PCCA: variants seen among roughly 807,000 people sequenced by gnomAD.
The protein encoded by PCCA is propionyl-CoA carboxylase subunit alpha.
Under a neutral mutation model 101.3 loss-of-function variants are expected in PCCA, and 74 were observed. The observed-to-expected ratio is 0.73, with a 90% CI of 0.61 to 0.89. The LOEUF (loss-of-function observed/expected upper bound fraction) is 0.89. Among genes scored for constraint, PCCA ranks in the 40% least tolerant of loss-of-function variants. The pLI is 0.00. For synonymous variants in PCCA, 294 were observed against 313.6 expected, an observed-to-expected ratio of 0.94 and a Z score of 0.66; for missense variants, 891 against 907.0, an observed-to-expected ratio of 0.98 and a Z score of 0.23.
intron 18 of PCCA, among the ~76,000 whole-genome samples, chr13:100,348,777 T>TTCCTTCCTTCC (rs2072751516): frequency 1.2e-5 from 1 of 85,770 alleles, no homozygotes; most frequent in Non-Finnish European, 2.5e-5. Context: ...TCTTTCTTTC[T>TTCCTTCCTTCC]TTCTTTCTTT....
rs774449821 is a variant in PCCA at position 100,273,198 on chromosome 13, T to A, written c.917T>A (p.Ile306Asn). 6.8e-6 allele frequency: 11 copies of A among 1,606,946 alleles called. No individual in the cohort carries two copies. The highest frequency in any genetic ancestry group is 9.4e-6 in the Non-Finnish European group (11 of 1,173,872). Residue 306 changes from isoleucine (I) to asparagine (N), a missense_variant and splice_region_variant, in exon 12 of 24, where the codon ATT becomes AAT. By Grantham distance (149) the Ile-to-Asn change is moderately radical. Coordinates refer to ENST00000376285, the MANE Select transcript of PCCA (RefSeq NM_000282.4). The part of the protein sequence containing the change: ...NQKVVEEAPS[I>N]FLDAETRRAM... The stretch of plus-strand genomic sequence containing the variant: ...CAAACATTTTTTTGTATATGTAGCA[T>A]TTTTTTGGATGCGGAGACTCGAAGA...
At chr13:100,345,844 C>T (rs1033567649) in intron 18 of PCCA, among the ~76,000 whole-genome samples, 1 of 152,068 alleles carries the variant, frequency 6.6e-6, no homozygotes, top group Non-Finnish European at 1.5e-5. Context: ...TTCATAAACC[C>T]TAGGGTCTTT....
At chr13:100,125,405 G>A (rs1473162788) in intron 4 of PCCA, among the ~76,000 whole-genome samples, 1 of 152,164 alleles carries the variant, frequency 6.6e-6, no homozygotes, top group Non-Finnish European at 1.5e-5. Flanking sequence ...AAGTCTTACG[G>A]CAAAGCCTCT....
intron 20 of PCCA, among the ~76,000 whole-genome samples, chr13:100,445,261 C>T (rs1156483447): frequency 1.3e-5 from 2 of 152,214 alleles, no homozygotes; most frequent in African/African-American, 4.8e-5. Flanking sequence ...GCCCCACCTC[C>T]AACACTGGGG....
rs1374759069 is a variant in PCCA, at chr13:100,394,186, G to A, written c.1746+25612G>A. Among the ~76,000 whole-genome samples the A allele has an allele frequency of 6.6e-6, 1 of 152,144 alleles. No homozygotes were observed. Among genetic ancestry groups the A allele is most frequent in the African/African-American group, 2.4e-5 (1 of 41,430 alleles). ...ATTTAATTAGTCCTTCGTAGAACTG[G>A]ATGTCCGTTTGTTGCAACTGAATTC... On this transcript the variant is annotated intron_variant, in intron 19 of 23. Transcript: ENST00000376285. The surrounding 1 kb of genome is among the most constrained non-coding windows in gnomAD (Gnocchi z 4.3).
chr13:100,130,995 T>C (rs933316905), intron 4 of PCCA, among the ~76,000 whole-genome samples: 1 of 152,226 alleles, frequency 6.6e-6, no homozygotes. Context: ...CATAAAAGTT[T>C]ACCATTTTAA....
chr13:100,400,384 C>T (rs2077267448), intron 19 of PCCA, among the ~76,000 whole-genome samples: 1 of 152,118 alleles, frequency 6.6e-6, no homozygotes, highest in African/African-American at 2.4e-5. Flanking sequence ...AGAACTACAT[C>T]ACCTGACAAG....
intron 20 of PCCA, among the ~76,000 whole-genome samples, chr13:100,436,005 T>C (rs930691547): frequency 6.6e-6 from 1 of 151,596 alleles, no homozygotes; most frequent in Non-Finnish European, 1.5e-5. Context: ...ATCGAGCCAT[T>C]GCACTCCAGC....
chr13:100,257,668 G>T lies in PCCA; in HGVS notation c.711G>T (p.Glu237Asp). 3 of 1,610,814 alleles carry T rather than the reference G, an allele frequency of 1.9e-6. No homozygotes were observed. The highest frequency in any genetic ancestry group is 2.5e-6 in the Non-Finnish European group (3 of 1,177,222). ...TGCGCATTGCTTGGGATGATGAAGA[G>T]ACCAGGTGAGAGGCTGTCCAAAATA... ...KGMRIAWDDEETRDGFRLSSQ... is the reference protein window; with the variant it reads ...KGMRIAWDDEDTRDGFRLSSQ... Residue 237 changes from glutamate (E) to aspartate (D), a missense_variant, in exon 9 of 24, where the codon GAG (glutamate) becomes GAT (aspartate). Physicochemically the swap from Glu to Asp is conservative, Grantham distance 45 (BLOSUM62 2). Coordinates refer to ENST00000376285, the MANE Select transcript of PCCA (RefSeq NM_000282.4).
At chr13:100,401,011 T>A (rs2077330580) in intron 19 of PCCA, among the ~76,000 whole-genome samples, 1 of 152,178 alleles carries the variant, frequency 6.6e-6, no homozygotes, top group Non-Finnish European at 1.5e-5. Context: ...TCTTTAGGAC[T>A]TTTTAGAATA....
intron 4 of PCCA, among the ~76,000 whole-genome samples, chr13:100,146,984 C>A: frequency 6.9e-6 from 1 of 145,472 alleles, no homozygotes; most frequent in African/African-American, 2.6e-5. Context: ...TACTGGGTAG[C>A]AGTTAAAAAT....
chr13:100,421,566 GACA>G (rs1157098285), intron 19 of PCCA, among the ~76,000 whole-genome samples: 2 of 151,966 alleles, frequency 1.3e-5, no homozygotes, highest in Non-Finnish European at 2.9e-5. Flanking sequence ...AAAATTGGGG[GACA>G]ACATTTCCTT....
At chr13:100,459,876 C>T (rs141751540) in intron 21 of PCCA, among the ~76,000 whole-genome samples, 2 of 152,308 alleles carry the variant, frequency 1.3e-5, no homozygotes, top group East Asian at 3.9e-4. Context: ...CAGGCAAATG[C>T]CTATTCTCCC....
At chr13:100,121,491 T>C (rs2049395279) in intron 4 of PCCA, among the ~76,000 whole-genome samples, 1 of 148,328 alleles carries the variant, frequency 6.7e-6, no homozygotes, top group Admixed American at 6.8e-5. Context: ...TTTTTCTCTC[T>C]TGAGACCGAG....
chr13:100,391,707 G>A (rs887626733), intron 19 of PCCA, among the ~76,000 whole-genome samples: 1 of 152,154 alleles, frequency 6.6e-6, no homozygotes, highest in Non-Finnish European at 1.5e-5. Context: ...TATAGGAGCA[G>A]TTTATAAAGT....
chr13:100,110,034 G>A (rs1321365823), intron 2 of PCCA, among the ~76,000 whole-genome samples: 1 of 152,168 alleles, frequency 6.6e-6, no homozygotes, highest in East Asian at 1.9e-4. Flanking sequence ...TTAGGAGGCT[G>A]AGGCAGGAGA....
chr13:100,464,080 G>A (rs2082346533), intron 21 of PCCA, among the ~76,000 whole-genome samples: 1 of 152,166 alleles, frequency 6.6e-6, no homozygotes, highest in South Asian at 2.1e-4. Context: ...AGATGAATAA[G>A]CCATAGCACA....
intron 4 of PCCA, among the ~76,000 whole-genome samples, chr13:100,125,463 G>A (rs1374926415): frequency 1.3e-5 from 2 of 152,178 alleles, no homozygotes; most frequent in African/African-American, 4.8e-5. Flanking sequence ...GGAATTGTTT[G>A]CCTTAGTATA....
chr13:100,143,546 A>G (rs574127453), intron 4 of PCCA, among the ~76,000 whole-genome samples: 1 of 143,590 alleles, frequency 7.0e-6, no homozygotes, highest in African/African-American at 2.9e-5. Context: ...ACAAAAAAAA[A>G]AAAATAAAAA....
Sources: allele counts gnomAD v4.1 joint callset (sites outside exome capture counted in the v4.1 genomes callset), GRCh38; gene constraint gnomAD v4.1.1; non-coding constraint Gnocchi (gnomAD v3.1); transcripts MANE v1.5; gene names NCBI Gene and HGNC (gene_info 2026-07-23, HGNC 2026-07-21).